Variants in SEMA3C observed in about 807,000 individuals in gnomAD.
SEMA3C encodes semaphorin 3C, also known as semaphorin-3C.
SEMA3C carries 47 observed loss-of-function variants against 89.4 expected under a neutral mutation model. That is an observed-to-expected ratio of 0.53 (90% CI 0.42 to 0.67). The LOEUF is 0.67. Ranked by LOEUF, SEMA3C falls within the 30% of genes least tolerant of loss-of-function variation. The probability of loss-of-function intolerance (pLI) is 0.00; values close to 1 mark genes in which losing one functional copy is unlikely to be tolerated. For synonymous variants in SEMA3C, 310 were observed against 320.2 expected (o/e 0.97, Z 0.34); for missense variants, 839 against 929.1 (o/e 0.90, Z 1.26).
chr7:80,787,419 G>C (rs897349569), intron 12 of SEMA3C, among the ~76,000 whole-genome samples: 1 of 150,784 alleles, frequency 6.6e-6, no homozygotes, highest in East Asian at 1.9e-4. Context: ...AAAAAAAGGT[G>C]GGGGACAATA....
At chr7:80,818,660 T>TA (rs1419557815) in intron 4 of SEMA3C, among the ~76,000 whole-genome samples, 18 of 141,942 alleles carry the variant, frequency 1.3e-4, no homozygotes, top group African/African-American at 4.0e-4. Flanking sequence ...AAAATAAAAA[T>TA]AAAAATAAAA....
chr7:80,894,472 CAT>C (rs976713266), intron 2 of SEMA3C, among the ~76,000 whole-genome samples: 30 of 152,176 alleles, frequency 2.0e-4, no homozygotes, highest in South Asian at 4.1e-4. Context: ...CTCATAGCCA[CAT>C]GTTTCTACAA....
In SEMA3C at chr7:80,758,318, G is replaced by A. The variant is rs1357723907; in HGVS notation, c.1643+13C>T. ...CCTACATTTGGATGTTGAGCCGAGT[G>A]TTTAGTGCTCACCGTTTCCCAGTTG... On this transcript the variant is annotated intron_variant, in intron 15 of 17. Transcript: ENST00000265361. The A allele has an allele frequency of 1.7e-5, 28 of 1,609,936 alleles. No individual in the cohort carries two copies. The Admixed American group carries it at 2.0e-4, about 12-fold the overall frequency.
At chr7:80,806,847 C>G (rs774092550) in intron 6 of SEMA3C, among the ~76,000 whole-genome samples, 1 of 152,116 alleles carries the variant, frequency 6.6e-6, no homozygotes, top group Non-Finnish European at 1.5e-5. Context: ...TGGAACATTT[C>G]AAAGTACTCT....
intron 4 of SEMA3C, among the ~76,000 whole-genome samples, chr7:80,821,634 T>C (rs1789750633): frequency 6.6e-6 from 1 of 152,260 alleles, no homozygotes; most frequent in Non-Finnish European, 1.5e-5. Flanking sequence ...TTAGCCAGGA[T>C]GCACAGTTGT....
At chr7:80,807,747 T>C (rs1354640954) in intron 6 of SEMA3C, among the ~76,000 whole-genome samples, 2 of 152,200 alleles carry the variant, frequency 1.3e-5, no homozygotes, top group East Asian at 3.8e-4. Flanking sequence ...GGAATTCTAA[T>C]TCTTCAGGTT....
intron 12 of SEMA3C, among the ~76,000 whole-genome samples, chr7:80,780,864 A>T: frequency 6.6e-6 from 1 of 152,202 alleles, no homozygotes; most frequent in East Asian, 1.9e-4. Flanking sequence ...GGCCTGAGCC[A>T]CAAAGCAAGA....
At chr7:80,847,395 G>C (rs868276980) in intron 2 of SEMA3C, 18 of 152,112 alleles carry the variant, frequency 1.2e-4, no homozygotes, top group African/African-American at 3.6e-4. Flanking sequence ...CATTAATTCA[G>C]CCACGCAAAT....
intron 2 of SEMA3C, among the ~76,000 whole-genome samples, chr7:80,843,735 C>A (rs761893473): frequency 2.0e-5 from 3 of 152,088 alleles, no homozygotes; most frequent in Non-Finnish European, 2.9e-5. Context: ...AAATAAAAAT[C>A]TATTGAATTA....
chr7:80,813,421 T>C (rs528037239), intron 5 of SEMA3C, among the ~76,000 whole-genome samples: 1 of 152,336 alleles, frequency 6.6e-6, no homozygotes, highest in South Asian at 2.1e-4. Flanking sequence ...TAAAGCCAAA[T>C]CCTGATTTTT....
intron 4 of SEMA3C, among the ~76,000 whole-genome samples, chr7:80,818,690 G>A (rs1487395550): frequency 6.6e-6 from 1 of 152,076 alleles, no homozygotes; most frequent in African/African-American, 2.4e-5. Flanking sequence ...AAAATCTCAT[G>A]TTTTTAAAAA....
At chr7:80,857,457 G>A (rs2115970077) in intron 2 of SEMA3C, among the ~76,000 whole-genome samples, 1 of 152,242 alleles carries the variant, frequency 6.6e-6, no homozygotes, top group Middle Eastern at 3.4e-3. Context: ...ATGATTCACT[G>A]CTAATTCAGC....
intron 2 of SEMA3C, among the ~76,000 whole-genome samples, chr7:80,853,892 A>ATATGTGTGTG (rs556139546): frequency 1.3e-4 from 19 of 148,960 alleles, no homozygotes; most frequent in African/African-American, 4.4e-4. Flanking sequence ...CCCCATATAT[A>ATATGTGTGTG]TGTGTGTGTG....
At chr7:80,892,215 G>C (rs1331509727) in intron 2 of SEMA3C, among the ~76,000 whole-genome samples, 1 of 151,958 alleles carries the variant, frequency 6.6e-6, no homozygotes, top group Non-Finnish European at 1.5e-5. Flanking sequence ...AAATTGACTA[G>C]GATCATTTTG....
At chr7:80,856,879 G>A (rs1429895734) in intron 2 of SEMA3C, among the ~76,000 whole-genome samples, 1 of 152,060 alleles carries the variant, frequency 6.6e-6, no homozygotes, top group African/African-American at 2.4e-5. Context: ...AATTCAAGGT[G>A]CTATCATCCT....
chr7:80,757,603 T>C (rs1288707032), intron 15 of SEMA3C, among the ~76,000 whole-genome samples: 1 of 152,212 alleles, frequency 6.6e-6, no homozygotes, highest in Admixed American at 6.5e-5. Context: ...TATTGTATCC[T>C]TGTTTACAAG....
At chr7:80,772,280 G>A (rs553227694) in intron 12 of SEMA3C, among the ~76,000 whole-genome samples, 1 of 152,206 alleles carries the variant, frequency 6.6e-6, no homozygotes, top group African/African-American at 2.4e-5. Flanking sequence ...TTTTAATAGT[G>A]AGTTTTAACA....
intron 12 of SEMA3C, among the ~76,000 whole-genome samples, chr7:80,767,294 A>C (rs1464750921): frequency 6.6e-6 from 1 of 152,202 alleles, no homozygotes; most frequent in Non-Finnish European, 1.5e-5. Flanking sequence ...TGTAGAGGAA[A>C]TTTTGAAATT....
intron 1 of SEMA3C, among the ~76,000 whole-genome samples, chr7:80,917,730 T>C (rs909145191): frequency 2.0e-5 from 3 of 152,178 alleles, no homozygotes; most frequent in African/African-American, 4.8e-5. Context: ...AACACAATCA[T>C]TTTGCTTCTA....
Sources: allele counts gnomAD v4.1 joint callset (sites outside exome capture counted in the v4.1 genomes callset), GRCh38; gene constraint gnomAD v4.1.1; transcripts MANE v1.5; gene names NCBI Gene and HGNC (gene_info 2026-07-23, HGNC 2026-07-21).